The following PRTG variants were observed in gnomAD, a reference collection of about 807,000 sequenced individuals.
The protein encoded by PRTG is protogenin.
In PRTG, 67 loss-of-function variants were observed where a neutral mutation model predicts 122.5. That is an observed-to-expected ratio of 0.55 (90% CI 0.45 to 0.67). The LOEUF is 0.67. PRTG is among the 30% of genes least tolerant of loss of function. The probability of loss-of-function intolerance (pLI) is 0.00; values close to 1 mark genes in which losing one functional copy is unlikely to be tolerated. For missense variants in PRTG, 1,435 were observed against 1,415.4 expected, an observed-to-expected ratio of 1.01 and a Z score of -0.22; for synonymous variants, 554 against 501.1, an observed-to-expected ratio of 1.11 and a Z score of -1.41.
chr15:55,722,519 G>T (rs528221493), intron 2 of PRTG, among the ~76,000 whole-genome samples: 1 of 152,238 alleles, frequency 6.6e-6, no homozygotes, highest in Non-Finnish European at 1.5e-5. Context: ...AACCAAAAGG[G>T]AATATCAGCC....
At chr15:55,733,514 CAAA>C (rs1171561645) in intron 2 of PRTG, among the ~76,000 whole-genome samples, 9 of 76,388 alleles carry the variant, frequency 1.2e-4, no homozygotes, top group African/African-American at 2.2e-4. Flanking sequence ...CTGTCTCAAA[CAAA>C]AAAAAAAAAA....
intron 2 of PRTG, among the ~76,000 whole-genome samples, chr15:55,734,219 T>A (rs1282431996): frequency 2.0e-5 from 3 of 152,218 alleles, no homozygotes; most frequent in Admixed American, 2.0e-4. Context: ...ATATCCTTTT[T>A]CTTTTTGGTA....
intron 2 of PRTG, among the ~76,000 whole-genome samples, chr15:55,693,212 T>G (rs2059614166): frequency 6.6e-6 from 1 of 151,992 alleles, no homozygotes; most frequent in Non-Finnish European, 1.5e-5. Context: ...ATCCCAACAC[T>G]TTGGGAGGCT....
At chr15:55,691,119 A>AC (rs2059598267) in intron 2 of PRTG, among the ~76,000 whole-genome samples, 1 of 151,938 alleles carries the variant, frequency 6.6e-6, no homozygotes, top group African/African-American at 2.4e-5. Flanking sequence ...ACGTGATGAA[A>AC]CCCCATCTCT....
Position 55,679,302 on chromosome 15 carries a change from T to C in PRTG, c.1117A>G (p.Ile373Val), listed in dbSNP as rs1402916001. Residue 373 changes from isoleucine (I) to valine (V), a missense_variant, in exon 7 of 20, where the codon ATT (isoleucine) becomes GTT (valine). Transcript: ENST00000389286. ...NGRKIHSNGR[I>V]KMYNSKLVIN... Reference sequence around the variant, plus strand: ...ACAGCCTACCTGTTGTACATTTTAATTCTACCATTCGAATGTATCTTCCTT... The same window carrying C: ...ACAGCCTACCTGTTGTACATTTTAACTCTACCATTCGAATGTATCTTCCTT... 4 of 1,612,398 alleles carry C rather than the reference T, an allele frequency of 2.5e-6. No homozygotes were observed. Among genetic ancestry groups the C allele is most frequent in the Non-Finnish European group, 3.4e-6 (4 of 1,178,572 alleles).
At chr15:55,666,184 C>T (rs748886677) in intron 11 of PRTG, among the ~76,000 whole-genome samples, 9 of 152,220 alleles carry the variant, frequency 5.9e-5, no homozygotes, top group Non-Finnish European at 1.3e-4. Flanking sequence ...CTGGTGAGGG[C>T]TTTCTTCCCG....
chr15:55,735,715 T>TG (rs2031387594), intron 2 of PRTG, among the ~76,000 whole-genome samples: 1 of 80,452 alleles, frequency 1.2e-5, no homozygotes, highest in Non-Finnish European at 2.4e-5. Flanking sequence ...GACCATGCTT[T>TG]GCTAAAAAAA....
At position 55,611,825 on chromosome 15, in the gene PRTG, G is replaced by C. The variant is rs2059121647; in HGVS notation, c.*8187C>G. ...CAAACATTTGCTTTCTTCGTGCAAT[G>C]GCATTCACAGAACTGATCCCCTGAG... On this transcript the variant is annotated 3_prime_UTR_variant, in exon 20 of 20. Transcript: ENST00000389286. The C allele has an allele frequency of 6.6e-6, 1 of 151,968 alleles. No individual in the cohort carries two copies. Among genetic ancestry groups the C allele is most frequent in the Admixed American group, 6.6e-5 (1 of 15,254 alleles). 9.4% of individuals were successfully genotyped at this position (151,968 alleles called of 1,614,324 possible).
intron 2 of PRTG, among the ~76,000 whole-genome samples, chr15:55,739,162 T>C (rs1318277211): frequency 6.6e-6 from 1 of 152,048 alleles, no homozygotes; most frequent in African/African-American, 2.4e-5. Flanking sequence ...AAATGGACCA[T>C]GAACAGTAAA....
intron 2 of PRTG, among the ~76,000 whole-genome samples, chr15:55,689,059 A>C (rs2059586035): frequency 6.6e-6 from 1 of 152,062 alleles, no homozygotes; most frequent in South Asian, 2.1e-4. Context: ...TTCCAGTCCC[A>C]ATCTCTCACC....
At position 55,620,269 on chromosome 15, in the gene PRTG, A is replaced by G; in HGVS notation, c.3199-3T>C. On this transcript the variant is annotated splice_region_variant and splice_polypyrimidine_tract_variant and intron_variant, in intron 19 of 19. Transcript: ENST00000389286. Reference sequence around the variant, plus strand: ...GCTGGAGTAAATCTTCTTTGAGGCTAGGCAAAAAAAGATAAGATGGCAATG... The same window carrying G: ...GCTGGAGTAAATCTTCTTTGAGGCTGGGCAAAAAAAGATAAGATGGCAATG... The G allele has an allele frequency of 1.2e-6, 2 of 1,613,176 alleles. No individual in the cohort carries two copies. The highest frequency in any genetic ancestry group is 1.7e-6 in the Non-Finnish European group (2 of 1,179,586).
At position 55,620,284 on chromosome 15, in the gene PRTG, A is replaced by G. The variant is rs755836811; in HGVS notation, c.3199-18T>C. The G allele has an allele frequency of 6.2e-7, 1 of 1,612,710 alleles. No homozygotes were observed. Among genetic ancestry groups the G allele is most frequent in the Non-Finnish European group, 8.5e-7 (1 of 1,179,346 alleles). On this transcript the variant is annotated intron_variant, in intron 19 of 19. Transcript: ENST00000389286. ...CTTTGAGGCTAGGCAAAAAAAGATA[A>G]GATGGCAATGAGATACCAGACTGAT...
intron 2 of PRTG, among the ~76,000 whole-genome samples, chr15:55,694,307 G>T (rs1208375707): frequency 6.6e-6 from 1 of 152,100 alleles, no homozygotes; most frequent in African/African-American, 2.4e-5. Context: ...GGCACAGATT[G>T]CAGTGAAAGT....
At position 55,659,317 on chromosome 15, in the gene PRTG, A is replaced by G. The variant is rs138175023; in HGVS notation, c.2041+13128T>C. 3.7e-3 allele frequency among the ~76,000 whole-genome samples: 558 copies of G among 152,332 alleles called. 4 individuals carry two copies. The highest frequency in any genetic ancestry group is 7.6e-3 in the African/African-American group (314 of 41,576). ...GATAAATCAGGTTATTTAGACAGAA[A>G]TAAGTACTCGTATTTAGCCTGCTTT... is the stretch of plus-strand genomic sequence containing the variant. On this transcript the variant is annotated intron_variant, in intron 11 of 19. Coordinates refer to ENST00000389286, the MANE Select transcript of PRTG (RefSeq NM_173814.6).
At chr15:55,646,280 C>T (rs770828392) in intron 11 of PRTG, among the ~76,000 whole-genome samples, 8 of 148,300 alleles carry the variant, frequency 5.4e-5, no homozygotes, top group South Asian at 4.3e-4. Flanking sequence ...CCAAAGTGCC[C>T]GGATTACAGG....
chr15:55,662,613 T>C (rs1297526593), intron 11 of PRTG, among the ~76,000 whole-genome samples: 1 of 152,162 alleles, frequency 6.6e-6, no homozygotes, highest in African/African-American at 2.4e-5. Flanking sequence ...AATATGACCT[T>C]ACCTATATTG....
chr15:55,649,759 T>G (rs1174713326), intron 11 of PRTG, among the ~76,000 whole-genome samples: 2 of 151,868 alleles, frequency 1.3e-5, no homozygotes, highest in Non-Finnish European at 2.9e-5. Context: ...GTCACTGCAC[T>G]CCGGCCTGGG....
intron 2 of PRTG, among the ~76,000 whole-genome samples, chr15:55,694,323 T>C (rs1444326440): frequency 6.6e-6 from 1 of 152,198 alleles, no homozygotes; most frequent in Non-Finnish European, 1.5e-5. Flanking sequence ...AAAGTATGAA[T>C]GCATGAATTT....
chr15:55,657,046 T>G (rs1446392788), intron 11 of PRTG, among the ~76,000 whole-genome samples: 1 of 152,198 alleles, frequency 6.6e-6, no homozygotes, highest in African/African-American at 2.4e-5. Flanking sequence ...GAATGTCAAT[T>G]TGTAAAATGT....
Sources: gnomAD v4.1 joint callset for allele counts (sites outside exome capture counted in the v4.1 genomes callset) on GRCh38, gnomAD v4.1.1 for gene constraint, MANE v1.5 for transcripts, NCBI Gene and HGNC (gene_info 2026-07-23, HGNC 2026-07-21) for gene names.